SLC8A1: variants seen among roughly 807,000 people sequenced by gnomAD.
SLC8A1 encodes solute carrier family 8 member A1, also known as sodium/calcium exchanger 1.
In SLC8A1, 18 loss-of-function variants were observed where a neutral mutation model predicts 68.3. That is an observed-to-expected ratio of 0.26 (90% confidence interval 0.18 to 0.39). The LOEUF is 0.39. Among genes scored for constraint, SLC8A1 ranks in the 10% least tolerant of loss-of-function variants. The probability of loss-of-function intolerance (pLI) is 1.00; values close to 1 mark genes in which losing one functional copy is unlikely to be tolerated. For synonymous variants in SLC8A1, 475 were observed against 415.5 expected (o/e 1.14, Z -1.74); for missense variants, 985 against 1,156.7 (o/e 0.85, Z 2.15).
At chr2:40,407,166 A>T (rs920773921) in intron 2 of SLC8A1, among the ~76,000 whole-genome samples, 1 of 152,146 alleles carries the variant, frequency 6.6e-6, no homozygotes, top group African/African-American at 2.4e-5. Context: ...TCCTAGGTTC[A>T]ACAGATTCTC....
exon 8 of SLC8A1, chr2:40,112,996 G>T (rs975582719): frequency 6.6e-6 from 1 of 152,162 alleles, no homozygotes; most frequent in Non-Finnish European, 1.5e-5. Context: ...GTTTTTTCTT[G>T]CAAGATAAAA....
chr2:40,420,388 C>G (rs1228623010), intron 2 of SLC8A1, among the ~76,000 whole-genome samples: 2 of 150,454 alleles, frequency 1.3e-5, no homozygotes, highest in African/African-American at 2.4e-5. Context: ...CAAGAAACTG[C>G]TATTTCAAGT....
upstream of SLC8A1, among the ~76,000 whole-genome samples, chr2:40,455,912 CCT>C (rs1702974214): frequency 6.6e-6 from 1 of 152,170 alleles, no homozygotes; most frequent in African/African-American, 2.4e-5. Flanking sequence ...CAACTCTCCT[CCT>C]CTCTGCATTA....
In SLC8A1 at chr2:40,364,108, G is replaced by A. The variant is rs1253152879; in HGVS notation, c.1808+64365C>T. Among the ~76,000 whole-genome samples, 3 of 151,944 alleles carry A rather than the reference G, an allele frequency of 2.0e-5. No individual in the cohort carries two copies. The South Asian group carries it at 6.2e-4, about 32-fold the overall frequency. ...TCTTTCAATAGGATAGTAAAAATGT[G>A]CAACTGCCTGATAAGTATTTGCTCT... On this transcript the variant is annotated intron_variant, in intron 2 of 7. Coordinates refer to ENST00000406785, the Ensembl canonical transcript of SLC8A1.
intron 2 of SLC8A1, among the ~76,000 whole-genome samples, chr2:40,238,713 A>C (rs1237707992): frequency 6.6e-6 from 1 of 152,202 alleles, no homozygotes; most frequent in Non-Finnish European, 1.5e-5. Context: ...TGTATAGTCT[A>C]TTGTAAAGTT....
chr2:40,231,121 G>A (rs1030253241), intron 2 of SLC8A1, among the ~76,000 whole-genome samples: 4 of 152,156 alleles, frequency 2.6e-5, no homozygotes, highest in African/African-American at 7.2e-5. Context: ...CATAAGATAA[G>A]GAATGCTCAG....
At chr2:40,245,681 A>C (rs1241865675) in intron 2 of SLC8A1, among the ~76,000 whole-genome samples, 1 of 152,002 alleles carries the variant, frequency 6.6e-6, no homozygotes, top group Non-Finnish European at 1.5e-5. Context: ...TAAAAAGTCA[A>C]ACTTTTTTTT....
chr2:40,362,987 C>G (rs561577217), intron 2 of SLC8A1, among the ~76,000 whole-genome samples: 2 of 152,218 alleles, frequency 1.3e-5, no homozygotes, highest in South Asian at 4.1e-4. Flanking sequence ...TGTTCCTCCT[C>G]AGTCCCTAGT....
At chr2:40,260,095 A>G (rs1409471308) in intron 2 of SLC8A1, among the ~76,000 whole-genome samples, 1 of 152,240 alleles carries the variant, frequency 6.6e-6, no homozygotes, top group Non-Finnish European at 1.5e-5. Flanking sequence ...ACATTTACAT[A>G]TCAACAATGA....
chr2:40,186,320 G>A (rs1227296935), intron 2 of SLC8A1, among the ~76,000 whole-genome samples: 1 of 152,142 alleles, frequency 6.6e-6, no homozygotes, highest in Non-Finnish European at 1.5e-5. Context: ...GCCATGGGTT[G>A]CCTTTGTATC....
intron 7 of SLC8A1, among the ~76,000 whole-genome samples, chr2:40,128,278 A>G (rs569085050): frequency 2.0e-5 from 3 of 152,358 alleles, no homozygotes; most frequent in South Asian, 2.1e-4. Flanking sequence ...TTTCTCATGC[A>G]GGGACCAGAC....
At chr2:40,448,430 G>C in intron 1 of SLC8A1, among the ~76,000 whole-genome samples, 1 of 152,166 alleles carries the variant, frequency 6.6e-6, no homozygotes, top group East Asian at 1.9e-4. Flanking sequence ...TCAGAATCTA[G>C]TCCATCCCAA....
rs143244549 is a variant in SLC8A1, at chr2:40,506,759, A to G, written c.-25+5590T>C. 1.4e-4 allele frequency among the ~76,000 whole-genome samples: 22 copies of G among 152,070 alleles called. No individual in the cohort carries two copies. The East Asian group carries it at 3.9e-3, about 27-fold the overall frequency. ...AGATATTTATCTTTTTAAGCAAAAG[A>G]ATATTTAAATATTAATGATAGCAAA... On this transcript the variant is annotated intron_variant, in intron 1 of 7. Transcript: ENST00000402441.
chr2:40,206,226 A>C (rs1403579693), intron 2 of SLC8A1, among the ~76,000 whole-genome samples: 1 of 152,084 alleles, frequency 6.6e-6, no homozygotes, highest in Non-Finnish European at 1.5e-5. Context: ...GTGCCATGAC[A>C]AATATCAGAA....
chr2:40,243,970 G>C (rs1035283203), intron 2 of SLC8A1, among the ~76,000 whole-genome samples: 2 of 152,142 alleles, frequency 1.3e-5, no homozygotes, highest in East Asian at 1.9e-4. Context: ...AGCTTCTAGG[G>C]AGACTGTGAC....
intron 2 of SLC8A1, among the ~76,000 whole-genome samples, chr2:40,336,631 G>C (rs1000336586): frequency 3.9e-5 from 6 of 152,266 alleles, no homozygotes; most frequent in Non-Finnish European, 8.8e-5. Context: ...CATTTCTGAA[G>C]ATGCTATGAT....
intron 2 of SLC8A1, among the ~76,000 whole-genome samples, chr2:40,225,848 G>T (rs1295981447): frequency 6.6e-6 from 1 of 152,108 alleles, no homozygotes; most frequent in Non-Finnish European, 1.5e-5. Context: ...GTAATTTTGT[G>T]AGCTGCCAGA....
intron 2 of SLC8A1, among the ~76,000 whole-genome samples, chr2:40,239,752 A>C (rs2060955343): frequency 6.6e-6 from 1 of 152,220 alleles, no homozygotes. Context: ...TCTGAATGTG[A>C]ATACCTGAAT....
intron 2 of SLC8A1, among the ~76,000 whole-genome samples, chr2:40,282,803 G>A (rs2067715989): frequency 6.6e-6 from 1 of 152,056 alleles, no homozygotes; most frequent in African/African-American, 2.4e-5. Flanking sequence ...TGGCTGCAAG[G>A]AGAAGTTGAA....
Sources: gnomAD v4.1 joint callset for allele counts (sites outside exome capture counted in the v4.1 genomes callset) on GRCh38, gnomAD v4.1.1 for gene constraint, MANE v1.5 for transcripts, NCBI Gene and HGNC (gene_info 2026-07-23, HGNC 2026-07-21) for gene names.